BSN: variants seen among roughly 807,000 people sequenced by gnomAD.
BSN encodes bassoon presynaptic cytomatrix protein.
Under a neutral mutation model 264.8 loss-of-function variants are expected in BSN, and 57 were observed. That is an observed-to-expected ratio of 0.22 (90% CI 0.17 to 0.27). BSN has a LOEUF of 0.27. Among genes scored for constraint, BSN ranks in the 10% least tolerant of loss-of-function variants. The pLI is 1.00. For synonymous variants in BSN, 2,059 were observed against 2,137.3 expected, an observed-to-expected ratio of 0.96 and a Z score of 1.01; for missense variants, 4,615 against 5,232.5, an observed-to-expected ratio of 0.88 and a Z score of 3.64.
chr3:49,629,738 G>C (rs569769465), intron 2 of BSN, among the ~76,000 whole-genome samples: 2 of 152,364 alleles, frequency 1.3e-5, no homozygotes, highest in East Asian at 3.9e-4. Context: ...CCCCTGTGGG[G>C]AGCAGCAGGG....
At chr3:49,594,769 T>A (rs2052008068) in intron 1 of BSN, among the ~76,000 whole-genome samples, 1 of 152,212 alleles carries the variant, frequency 6.6e-6, no homozygotes, top group African/African-American at 2.4e-5. Context: ...TTGGGAAGAA[T>A]GAACATCTTT....
rs1299883157 is a variant in BSN at position 49,566,155 on chromosome 3, G to A, written c.224+11329G>A. On this transcript the variant is annotated intron_variant, in intron 1 of 11. Coordinates refer to ENST00000296452, the MANE Select transcript of BSN (RefSeq NM_003458.4). ...AATGACATTTTAGTTTGTTCAAACA[G>A]TATCCAAACAACGTCTACATATTGC... Among the ~76,000 whole-genome samples the A allele has an allele frequency of 2.0e-5, 3 of 152,208 alleles. No homozygotes were observed. In the East Asian group the frequency reaches 5.8e-4, roughly 29 times the overall value.
chr3:49,573,449 A>G (rs189931257), intron 1 of BSN, among the ~76,000 whole-genome samples: 3 of 152,260 alleles, frequency 2.0e-5, no homozygotes, highest in African/African-American at 4.8e-5. Flanking sequence ...TCCTCCTGCT[A>G]TGATTGCTGG....
At chr3:49,603,382 A>G (rs755097020) in intron 1 of BSN, among the ~76,000 whole-genome samples, 24 of 152,180 alleles carry the variant, frequency 1.6e-4, no homozygotes, top group Non-Finnish European at 3.4e-4. Context: ...GCCTTGCCCA[A>G]TTCCTTCTTT....
At chr3:49,636,336 G>A (rs1476733548) in intron 2 of BSN, among the ~76,000 whole-genome samples, 1 of 152,128 alleles carries the variant, frequency 6.6e-6, no homozygotes, top group Non-Finnish European at 1.5e-5. Flanking sequence ...AGAAGTTGAG[G>A]CTAGTCCAAG....
At chr3:49,595,624 T>C (rs1575432408) in intron 1 of BSN, among the ~76,000 whole-genome samples, 1 of 152,328 alleles carries the variant, frequency 6.6e-6, no homozygotes, top group Non-Finnish European at 1.5e-5. Context: ...CCCAAAGTGC[T>C]GAAATTACAG....
In BSN at chr3:49,657,333, G is replaced by A. The variant is rs1178536590; in HGVS notation, c.7777G>A (p.Glu2593Lys). 17 of 1,613,492 alleles carry A rather than the reference G, an allele frequency of 1.1e-5. No individual in the cohort carries two copies. Among genetic ancestry groups the A allele is most frequent in the Non-Finnish European group, 1.4e-5 (17 of 1,180,028 alleles). The change falls in exon 5 of 12, where the codon GAG becomes AAG. Residue 2593 changes from glutamate to lysine, a missense_variant. By Grantham distance (56) the Glu-to-Lys change is moderately conservative (BLOSUM62 1). Transcript: ENST00000296452. ...CGTGCAGACAGACGATGAGGATGGGGAGAGCCGCTACCTCTTGAGTCGGCG... is the reference window on the plus strand; with the variant it reads ...CGTGCAGACAGACGATGAGGATGGGAAGAGCCGCTACCTCTTGAGTCGGCG... ...SSVQTDDEDG[E>K]SRYLLSRRRR...
intron 1 of BSN, among the ~76,000 whole-genome samples, chr3:49,609,306 T>C (rs2052184560): frequency 6.6e-6 from 1 of 151,430 alleles, no homozygotes; most frequent in Non-Finnish European, 1.5e-5. Flanking sequence ...TCTTCCTATG[T>C]TGCCCAGGCT....
Position 49,655,940 on chromosome 3 carries a change from G to C in BSN, c.6384G>C (p.Gln2128His). ...GGGGPDLVQY[Q>H]PQHGPGLSAP... ...GTGGCCCTGACCTTGTGCAGTACCA[G>C]CCCCAGCACGGGCCCGGGCTCAGTG... The change falls in exon 5 of 12, where the codon CAG becomes CAC. Residue 2128 changes from glutamine to histidine, a missense_variant. Physicochemically the swap from Gln to His is conservative, Grantham distance 24. This residue lies in a region of BSN where 3,415 missense variants were observed against 3,866.4 expected (regional missense o/e 0.88). Transcript: ENST00000296452. The C allele has an allele frequency of 6.2e-7, 1 of 1,611,094 alleles. No individual in the cohort carries two copies. Among genetic ancestry groups the C allele is most frequent in the Non-Finnish European group, 8.5e-7 (1 of 1,179,860 alleles).
rs922493945 is a variant in BSN, at chr3:49,554,800, C to CCCCGGT, written c.204_209dup (p.Pro73_Gly74dup). ...CACCGGTCCCTGGCCCCGGCCCCGG[C>CCCCGGT]CCCGGTCCCGGCCCTGGCCCGGGCA... On this transcript the variant is annotated inframe_insertion, in exon 1 of 12. Coordinates refer to ENST00000296452, the MANE Select transcript of BSN (RefSeq NM_003458.4). 5.7e-6 allele frequency: 7 copies of CCCCGGT among 1,219,060 alleles called. No homozygotes were observed. Among genetic ancestry groups the CCCCGGT allele is most frequent in the Middle Eastern group, 3.2e-4 (1 of 3,168 alleles). 75.5% of individuals were successfully genotyped at this position (1,219,060 alleles called of 1,614,324 possible).
chr3:49,590,748 T>C (rs1261746349), intron 1 of BSN, among the ~76,000 whole-genome samples: 1 of 151,924 alleles, frequency 6.6e-6, no homozygotes, highest in East Asian at 1.9e-4. Flanking sequence ...CATAATTATA[T>C]AGTTATAATT....
In BSN at chr3:49,661,091, C is replaced by T. The variant is rs148698248; in HGVS notation, c.9246C>T (p.Thr3082=). ...GATTCCCAGCCCACCAGGCCCCCAC[C>T]TACCCTGGCCCCAGCACGTACCCAG... ...QNGFPAHQAP[T]YPGPSTYPAP... is the part of the protein sequence containing the mutation. Residue 3082 remains threonine, a synonymous_variant, in exon 6 of 12, where the codon ACC becomes ACT. Coordinates refer to ENST00000296452, the MANE Select transcript of BSN (RefSeq NM_003458.4). The T allele has an allele frequency of 4.7e-3, 7,579 of 1,612,730 alleles. 39 individuals carry two copies. The highest frequency in any genetic ancestry group is 5.7e-3 in the Non-Finnish European group (6,781 of 1,179,922).
At position 49,654,016 on chromosome 3, in the gene BSN, A is replaced by G. The variant is rs1474652541; in HGVS notation, c.4460A>G (p.Glu1487Gly). ...SPPLSPSSPSESPTFSPGKMG... is the reference protein window; with the variant it reads ...SPPLSPSSPSGSPTFSPGKMG... ...CCTCTCTCCCCGTCTTCCCCCTCAG[A>G]GAGTCCCACATTCTCCCCTGGCAAG... The change falls in exon 5 of 12, where the codon GAG becomes GGG. Residue 1487 changes from glutamate (E) to glycine (G), a missense_variant. Coordinates refer to ENST00000296452, the MANE Select transcript of BSN (RefSeq NM_003458.4). The surrounding 1 kb of genome is among the most constrained non-coding windows in gnomAD (Gnocchi z 4.1). The G allele has an allele frequency of 1.4e-5, 23 of 1,613,724 alleles. No homozygotes were observed. The highest frequency in any genetic ancestry group is 1.9e-5 in the Non-Finnish European group (22 of 1,179,976).
At chr3:49,632,101 G>A (rs371927797) in intron 2 of BSN, among the ~76,000 whole-genome samples, 37 of 152,252 alleles carry the variant, frequency 2.4e-4, no homozygotes, top group Middle Eastern at 6.8e-3. Context: ...AACAAATGGT[G>A]TTGGGAAAAC....
chr3:49,664,921 G>A (rs2052701060), intron 10 of BSN, 68 bp downstream of exon 10: 1 of 1,185,294 alleles, frequency 8.4e-7, no homozygotes, highest in Non-Finnish European at 1.2e-6. Flanking sequence ...TGGGGGTGGG[G>A]CTCTAAGTCC....
At chr3:49,584,685 T>C (rs2051920904) in intron 1 of BSN, among the ~76,000 whole-genome samples, 1 of 152,200 alleles carries the variant, frequency 6.6e-6, no homozygotes, top group Non-Finnish European at 1.5e-5. Flanking sequence ...TATTATTGAC[T>C]ATAGTCACCT....
At chr3:49,613,852 G>A (rs1431082548) in intron 1 of BSN, among the ~76,000 whole-genome samples, 1 of 151,832 alleles carries the variant, frequency 6.6e-6, no homozygotes, top group Non-Finnish European at 1.5e-5. Flanking sequence ...AGACATTCAA[G>A]AACTCAGGAA....
Position 49,642,440 on chromosome 3 carries a change from C to A in BSN, c.806C>A (p.Pro269Gln). 6.3e-7 allele frequency: 1 copy of A among 1,597,434 alleles called. No homozygotes were observed. The highest frequency in any genetic ancestry group is 2.3e-5 in the East Asian group (1 of 44,188). The change falls in exon 3 of 12, where the codon CCA becomes CAA. Residue 269 changes from proline (P) to glutamine (Q), a missense_variant. Around this residue, in one of 3 missense-constraint regions of BSN, gnomAD observed 1,197 missense variants for 1,348.0 expected, o/e 0.89. Transcript: ENST00000296452. This position sits in a 1 kb window ranked among gnomAD's most constrained non-coding sequence, Gnocchi z 7.0. ...CCAGACCAAGAGAGATCTCGGGGCC[C>A]AGGAGGACCACAGCCTGGGTCCCGC... ...GKPDQERSRG[P>Q]GGPQPGSRQA... is the part of the protein sequence containing the mutation.
intron 3 of BSN, among the ~76,000 whole-genome samples, chr3:49,644,092 T>C (rs1447876353): frequency 6.6e-6 from 1 of 152,208 alleles, no homozygotes; most frequent in East Asian, 1.9e-4. Context: ...ACCCTTACCA[T>C]GCTGCCTTGG....
Sources: allele counts gnomAD v4.1 joint callset (sites outside exome capture counted in the v4.1 genomes callset), GRCh38; gene constraint gnomAD v4.1.1; regional missense constraint gnomAD v4.1.1; non-coding constraint Gnocchi (gnomAD v3.1); transcripts MANE v1.5; gene names NCBI Gene and HGNC (gene_info 2026-07-23, HGNC 2026-07-21).